RFX5: variants seen among roughly 807,000 people sequenced by gnomAD.
RFX5 encodes DNA-binding protein RFX5.
Under a neutral mutation model 41.2 loss-of-function variants are expected in RFX5, and 30 were observed. The observed-to-expected ratio is 0.73, with a 90% CI of 0.54 to 0.99. The LOEUF is 0.99. Among genes scored for constraint, RFX5 ranks in the 50% least tolerant of loss-of-function variants. The pLI, the probability that RFX5 is intolerant of heterozygous loss-of-function variation, is 0.00. For synonymous variants in RFX5, 231 were observed against 291.8 expected (o/e 0.79, Z 2.12); for missense variants, 715 against 773.6 (o/e 0.92, Z 0.90).
At position 151,342,128 on chromosome 1, in the gene RFX5, G is replaced by A. The variant is rs1440689769; in HGVS notation, c.*58C>T. 3 of 1,606,678 alleles carry A rather than the reference G, an allele frequency of 1.9e-6. No individual in the cohort carries two copies. The highest frequency in any genetic ancestry group is 2.6e-6 in the Non-Finnish European group (3 of 1,173,580). On this transcript the variant is annotated 3_prime_UTR_variant, in exon 11 of 11. Coordinates refer to ENST00000452671, the MANE Select transcript of RFX5 (RefSeq NM_001025603.2). The stretch of plus-strand genomic sequence containing the variant: ...CAAATGAGAAGCAAGTGCAAAGAAG[G>A]GCCTCTACTAGGCAAAGTTAACGTA...
rs1235229106 is a variant in RFX5 at position 151,343,501 on chromosome 1, G to A, written c.758-59C>T. 5.2e-6 allele frequency: 8 copies of A among 1,535,826 alleles called. No homozygotes were observed. The East Asian group carries it at 1.8e-4, about 35-fold the overall frequency. ...GTGAGGAGGAAACTGAGGAATAGGG[G>A]AGTGAGGCAATTCTGATTGACTGAC... On this transcript the variant is annotated intron_variant, in intron 9 of 10. Coordinates refer to ENST00000452671, the MANE Select transcript of RFX5 (RefSeq NM_001025603.2).
Position 151,346,558 on chromosome 1 carries a change from T to C in RFX5, c.-83A>G. The C allele has an allele frequency of 2.0e-6, 1 of 510,180 alleles. No homozygotes were observed. Among genetic ancestry groups the C allele is most frequent in the Non-Finnish European group, 3.6e-6 (1 of 280,594 alleles). 31.6% of individuals were successfully genotyped at this position (510,180 alleles called of 1,614,324 possible). The stretch of plus-strand genomic sequence containing the variant: ...TATATGCCCAAAGAGATCTTTGCCA[T>C]CTCCATTCTATCTGCCCCACCTTTC... On this transcript the variant is annotated 5_prime_UTR_variant, in exon 2 of 11. The change abolishes an upstream ATG in the 5' untranslated region. Transcript: ENST00000452671.
chr1:151,346,362 TG>T, intron 2 of RFX5, 29 bp from the exon 3 acceptor site: 1 of 1,574,554 alleles, frequency 6.4e-7, no homozygotes. Context: ...GGCATAAAGA[TG>T]TAACTCACAC....
At position 151,343,180 on chromosome 1, in the gene RFX5, T is replaced by C. The variant is rs1650653829; in HGVS notation, c.859-2A>G. The C allele has an allele frequency of 1.9e-6, 3 of 1,610,898 alleles. No homozygotes were observed. Among genetic ancestry groups the C allele is most frequent in the Admixed American group, 1.7e-5 (1 of 59,984 alleles). ...TCGGGCTTCCAGATCCTTAGGAGGCTAAAAAGTAAAGAGAGGAACACAGTA... is the reference window on the plus strand; with the variant it reads ...TCGGGCTTCCAGATCCTTAGGAGGCCAAAAAGTAAAGAGAGGAACACAGTA... On this transcript the variant is annotated splice_acceptor_variant, in intron 10 of 10. Transcript: ENST00000452671. LOFTEE classifies it high-confidence loss of function.
At position 151,342,964 on chromosome 1, in the gene RFX5, C is replaced by T. The variant is rs746193481; in HGVS notation, c.1073G>A (p.Gly358Asp). 1.1e-5 allele frequency: 17 copies of T among 1,614,004 alleles called. No individual in the cohort carries two copies. The highest frequency in any genetic ancestry group is 1.4e-5 in the Non-Finnish European group (17 of 1,179,984). ...PPILAPRLSS[G>D]ALKVATLPLS... ...AGGCAGTGTAGCCACTTTCAGGGCA[C>T]CTGAAGAAAGCCTGGGGGCCAGAAT... Residue 358 changes from glycine (G) to aspartate (D), a missense_variant, in exon 11 of 11, where the codon GGT becomes GAT. Physicochemically the swap from Gly to Asp is moderately conservative, Grantham distance 94 (BLOSUM62 -1). Coordinates refer to ENST00000452671, the MANE Select transcript of RFX5 (RefSeq NM_001025603.2).
chr1:151,342,061 G>T lies in RFX5; in HGVS notation c.*125C>A. 1 of 1,382,032 alleles carries T rather than the reference G, an allele frequency of 7.2e-7. No homozygotes were observed. The highest frequency in any genetic ancestry group is 1.0e-6 in the Non-Finnish European group (1 of 976,186). The allele number at this position is 1,382,032 out of a possible 1,614,324, so 85.6% of individuals were successfully genotyped here. The stretch of plus-strand genomic sequence containing the variant: ...ACTAAGTAGACTGGGTGACTCAGCT[G>T]TCTGTACAGAGGAGAATGGACTTCC... On this transcript the variant is annotated 3_prime_UTR_variant, in exon 11 of 11. Coordinates refer to ENST00000452671, the MANE Select transcript of RFX5 (RefSeq NM_001025603.2).
Position 151,343,724 on chromosome 1 carries a change from G to A in RFX5, c.714C>T (p.Ala238=), listed in dbSNP as rs1650730894. ...RFLLQQHLIS[A]RSAHAHVLKA... ...TAAGCACATGGGCATGTGCAGATCG[G>A]GCAGAGATGAGATGCTGCTGTAGCA... The change falls in exon 9 of 11, where the codon GCC becomes GCT. Residue 238 remains alanine (A), a synonymous_variant. Transcript: ENST00000452671. 1 of 1,614,048 alleles carries A rather than the reference G, an allele frequency of 6.2e-7. No individual in the cohort carries two copies. Among genetic ancestry groups the A allele is most frequent in the South Asian group, 1.1e-5 (1 of 91,068 alleles).
chr1:151,344,018 C>T, intron 8 of RFX5, 136 bp from the exon 9 acceptor site: 1 of 1,115,918 alleles, frequency 9.0e-7, no homozygotes, highest in Non-Finnish European at 1.3e-6. Flanking sequence ...TATCCCATTG[C>T]AGAAGCCCAC....
At chr1:151,343,296 A>G in intron 10 of RFX5, 46 bp downstream of exon 10, 1 of 1,608,362 alleles carries the variant, frequency 6.2e-7, no homozygotes, top group Non-Finnish European at 8.5e-7. Flanking sequence ...GGATATACTA[A>G]GCCCCCAGCC....
chr1:151,344,703 T>TGCCCCCCCCCCCCCCCCCCCCCCCC, intron 6 of RFX5, 25 bp downstream of exon 6: 1 of 1,515,660 alleles, frequency 6.6e-7, no homozygotes, highest in Non-Finnish European at 8.9e-7. Flanking sequence ...AATCCACTCA[T>TGCCCCCCCCCCCCCCCCCCCCCCCC]CCCACCACCC....
chr1:151,344,094 T>G (rs1334114579), intron 8 of RFX5, 103 bp downstream of exon 8: 1 of 1,226,914 alleles, frequency 8.2e-7, no homozygotes, highest in Admixed American at 1.8e-5. Context: ...CTAGAAGCTA[T>G]GTACATAATG....
rs984359551 is a variant in RFX5, at chr1:151,344,596, G to A, written c.354-60C>T. On this transcript the variant is annotated intron_variant, in intron 6 of 10. Transcript: ENST00000452671. Reference sequence around the variant, plus strand: ...AGAGAAGGAGGCCATGGGTAGGCTCGAAGAGTCCCTAGGGATCAAGTGTGA... The same window carrying A: ...AGAGAAGGAGGCCATGGGTAGGCTCAAAGAGTCCCTAGGGATCAAGTGTGA... The A allele has an allele frequency of 1.2e-5, 20 of 1,612,638 alleles. No individual in the cohort carries two copies. In the East Asian group the frequency reaches 3.1e-4, roughly 25 times the overall value.
chr1:151,346,488 C>A lies in RFX5; in HGVS notation c.-14+1G>T. 1 of 613,356 alleles carries A rather than the reference C, an allele frequency of 1.6e-6. No individual in the cohort carries two copies. The allele number at this position is 613,356 out of a possible 1,614,324, so 38.0% of individuals were successfully genotyped here. A position where few individuals can be genotyped will look rare whatever the true frequency, so the allele number is the denominator to read the frequency against. ...CCGGTGGTCTTTTTCTCACCACTTG[C>A]CTTCTCCGAAAATTAGAAATTATTC... On this transcript the variant is annotated splice_donor_variant, in intron 2 of 10. Coordinates refer to ENST00000452671, the MANE Select transcript of RFX5 (RefSeq NM_001025603.2). LOFTEE classifies it low-confidence loss of function (5UTR_SPLICE).
chr1:151,342,846 C>CCCAGGT lies in RFX5; in HGVS notation c.1185_1190dup (p.Pro398_Gly399dup). 1.2e-6 allele frequency: 2 copies of CCCAGGT among 1,614,082 alleles called. No individual in the cohort carries two copies. Among genetic ancestry groups the CCCAGGT allele is most frequent in the African/African-American group, 1.3e-5 (1 of 75,028 alleles). ...GTCCCCCAGGTGGAGCTCGCCCAGG[C>CCCAGGT]CCAGGTCCAGGTCCAGGCAAAGCAG... is the stretch of plus-strand genomic sequence containing the variant. On this transcript the variant is annotated inframe_insertion, in exon 11 of 11. Coordinates refer to ENST00000452671, the MANE Select transcript of RFX5 (RefSeq NM_001025603.2).
intron 8 of RFX5, 34 bp downstream of exon 8, chr1:151,344,163 G>A (rs1436355003): frequency 6.2e-7 from 1 of 1,601,538 alleles, no homozygotes; most frequent in Non-Finnish European, 8.6e-7. Flanking sequence ...ACCTGGGAGA[G>A]AAGAGTGGAA....
intron 4 of RFX5, among the ~76,000 whole-genome samples, chr1:151,345,611 C>CAA (rs5777769): frequency 1.9e-5 from 2 of 104,216 alleles, no homozygotes; most frequent in African/African-American, 7.7e-5. Flanking sequence ...GACTCCATCT[C>CAA]AAAAAAAAAA....
At position 151,343,132 on chromosome 1, in the gene RFX5, C is replaced by A. The variant is rs780878545; in HGVS notation, c.905G>T (p.Arg302Leu). The A allele has an allele frequency of 2.7e-5, 43 of 1,611,976 alleles. No homozygotes were observed. Among genetic ancestry groups the A allele is most frequent in the Non-Finnish European group, 3.6e-5 (43 of 1,180,026 alleles). ...AACTACACTCTTCTTCCGCTCTCCA[C>A]GTGCGAGAGGACCGGCCCCAGTTCG... ...EARTGAGPLA[R>L]GERKKSVVES... is the part of the protein sequence containing the mutation. Residue 302 changes from arginine (R) to leucine (L), a missense_variant, in exon 11 of 11, where the codon CGT becomes CTT. Transcript: ENST00000452671.
intron 3 of RFX5, 41 bp from the exon 4 acceptor site, chr1:151,346,002 T>C (rs764535041): frequency 3.1e-6 from 5 of 1,614,094 alleles, no homozygotes; most frequent in Admixed American, 1.7e-5. Flanking sequence ...CACACAAGAT[T>C]TTCCCTGTCT....
chr1:151,343,780 A>G lies in RFX5; in HGVS notation c.658T>C (p.Phe220Leu). The G allele has an allele frequency of 6.2e-7, 1 of 1,614,110 alleles. No individual in the cohort carries two copies. Among genetic ancestry groups the G allele is most frequent in the Non-Finnish European group, 8.5e-7 (1 of 1,180,040 alleles). Residue 220 changes from phenylalanine to leucine, a missense_variant, in exon 9 of 11, where the codon TTC (phenylalanine) becomes CTC (leucine). By Grantham distance (22) the Phe-to-Leu change is conservative. Transcript: ENST00000452671. ...DWAERILKRSFSSIVEVARFL... is the reference protein window; with the variant it reads ...DWAERILKRSLSSIVEVARFL... ...CGGGCGACCTCAACGATGGAACTGA[A>G]GGACCGTTTCAGGATCCGCTCTGCC... is the stretch of plus-strand genomic sequence containing the variant.
Sources: gnomAD v4.1 joint callset for allele counts (sites outside exome capture counted in the v4.1 genomes callset) on GRCh38, gnomAD v4.1.1 for gene constraint, MANE v1.5 for transcripts, NCBI Gene and HGNC (gene_info 2026-07-23, HGNC 2026-07-21) for gene names.